C2orf76: variants seen among roughly 807,000 people sequenced by gnomAD.
C2orf76 encodes UPF0538 protein C2orf76.
In C2orf76, 23 loss-of-function variants were observed where a neutral mutation model predicts 16.9. That is an observed-to-expected ratio of 1.36 (90% CI 0.98 to 1.93). The LOEUF (loss-of-function observed/expected upper bound fraction) is 1.93, where lower values mean the gene tolerates loss of function less well. C2orf76 is among the 30% of genes most tolerant of loss of function. C2orf76 has a pLI of 0.00. For missense variants in C2orf76, 152 were observed against 152.6 expected (o/e 1.00, Z 0.02); for synonymous variants, 48 against 52.3 (o/e 0.92, Z 0.35).
the C2orf76 span, among the ~76,000 whole-genome samples, chr2:119,285,966 G>A: frequency 1.1e-4 from 16 of 152,194 alleles, no homozygotes; most frequent in South Asian, 6.2e-4. Flanking sequence ...AGTGGCTCAC[G>A]CCTGTAATCC....
the C2orf76 span, among the ~76,000 whole-genome samples, chr2:119,285,862 T>C: frequency 1.7e-4 from 26 of 152,226 alleles, no homozygotes; most frequent in African/African-American, 6.0e-4. Context: ...GTGCAGGCCA[T>C]GGAGATGCAA....
At chr2:119,281,637 C>T in the C2orf76 span, among the ~76,000 whole-genome samples, 1 of 152,184 alleles carries the variant, frequency 6.6e-6, no homozygotes, top group Non-Finnish European at 1.5e-5. Flanking sequence ...GCTAAATAAA[C>T]ATCCTAACAT....
At chr2:119,327,550 G>A (rs186171717) in intron 2 of C2orf76, among the ~76,000 whole-genome samples, 1 of 152,090 alleles carries the variant, frequency 6.6e-6, no homozygotes, top group Admixed American at 6.5e-5. Flanking sequence ...GCTATAATGG[G>A]TGCGTTCCTC....
intron 5 of C2orf76, among the ~76,000 whole-genome samples, chr2:119,304,693 C>T (rs1010639184): frequency 9.9e-5 from 15 of 152,282 alleles, no homozygotes; most frequent in African/African-American, 3.6e-4. Context: ...TTAAAATTTA[C>T]TCCAAACATT....
At chr2:119,337,365 G>A (rs1679883808) in intron 2 of C2orf76, among the ~76,000 whole-genome samples, 1 of 151,960 alleles carries the variant, frequency 6.6e-6, no homozygotes, top group African/African-American at 2.4e-5. Flanking sequence ...GCCACTGCAG[G>A]TGGCCAGGCA....
chr2:119,320,149 C>A (rs926074765), intron 3 of C2orf76, among the ~76,000 whole-genome samples: 1 of 152,108 alleles, frequency 6.6e-6, no homozygotes, highest in Non-Finnish European at 1.5e-5. Flanking sequence ...TCTAAAATTT[C>A]TTTCAAAAGA....
intron 5 of C2orf76, among the ~76,000 whole-genome samples, chr2:119,305,777 G>A (rs1678758099): frequency 6.6e-6 from 1 of 152,088 alleles, no homozygotes; most frequent in Non-Finnish European, 1.5e-5. Context: ...TCAAAGCTGT[G>A]CTCACAGCTG....
chr2:119,366,871 CG>C, upstream of C2orf76: 1 of 777,642 alleles, frequency 1.3e-6, no homozygotes, highest in Admixed American at 3.1e-5. Flanking sequence ...AGCGCCGCGG[CG>C]GGGGCTGGGC....
In C2orf76 at chr2:119,350,132, A is replaced by G. The variant is rs970255718; in HGVS notation, c.-12-10161T>C. ...GAACTAATGAGCAGTTAAAGGGAGG[A>G]AAAAAAACCTGATTTCTTCCATTTC... On this transcript the variant is annotated intron_variant, in intron 1 of 5. Coordinates refer to ENST00000334816, the MANE Select transcript of C2orf76 (RefSeq NM_001322331.2). Among the ~76,000 whole-genome samples, 41 of 137,956 alleles carry G rather than the reference A, an allele frequency of 3.0e-4. No homozygotes were observed. The East Asian group carries it at 6.5e-3, about 22-fold the overall frequency. 90.5% of individuals were successfully genotyped at this position (137,956 alleles called of 152,430 possible).
At chr2:119,305,621 C>T (rs1439791427) in intron 5 of C2orf76, among the ~76,000 whole-genome samples, 4 of 152,024 alleles carry the variant, frequency 2.6e-5, no homozygotes, top group Non-Finnish European at 4.4e-5. Flanking sequence ...AATAACTGCA[C>T]ACTGTTGACA....
At chr2:119,293,845 G>A in the C2orf76 span, among the ~76,000 whole-genome samples, 1 of 152,188 alleles carries the variant, frequency 6.6e-6, no homozygotes, top group African/African-American at 2.4e-5. Flanking sequence ...GTCCTTCAGT[G>A]GAGAAGACTG....
At chr2:119,328,750 C>CTATT (rs1558785538) in intron 2 of C2orf76, among the ~76,000 whole-genome samples, 1 of 152,064 alleles carries the variant, frequency 6.6e-6, no homozygotes, top group African/African-American at 2.4e-5. Flanking sequence ...CTTTTAAATA[C>CTATT]TATTTTACAT....
intron 2 of C2orf76, among the ~76,000 whole-genome samples, chr2:119,326,290 T>C (rs925062609): frequency 6.6e-6 from 1 of 152,252 alleles, no homozygotes; most frequent in African/African-American, 2.4e-5. Flanking sequence ...TTTATTTGCA[T>C]ATGGCTATCC....
chr2:119,330,025 C>A (rs1679622246), intron 2 of C2orf76, among the ~76,000 whole-genome samples: 1 of 151,448 alleles, frequency 6.6e-6, no homozygotes, highest in Non-Finnish European at 1.5e-5. Flanking sequence ...ACTCTTTCAG[C>A]TTTGGTATGT....
intron 2 of C2orf76, among the ~76,000 whole-genome samples, chr2:119,322,084 G>T (rs1201141451): frequency 6.6e-6 from 1 of 151,794 alleles, no homozygotes; most frequent in Non-Finnish European, 1.5e-5. Flanking sequence ...ATATCTGCTG[G>T]TACAACACCT....
chr2:119,292,759 G>A, the C2orf76 span, among the ~76,000 whole-genome samples: 2 of 152,280 alleles, frequency 1.3e-5, no homozygotes, highest in East Asian at 3.9e-4. Context: ...CTTAGGCCAG[G>A]TGCGGTGGCT....
At chr2:119,330,440 T>C (rs1240216486) in intron 2 of C2orf76, among the ~76,000 whole-genome samples, 3 of 152,142 alleles carry the variant, frequency 2.0e-5, no homozygotes, top group Admixed American at 6.6e-5. Flanking sequence ...TTCATCTTTG[T>C]TCCTTTTTAT....
intron 1 of C2orf76, chr2:119,340,352 T>C: frequency 6.0e-6 from 1 of 167,272 alleles, no homozygotes; most frequent in Non-Finnish European, 1.3e-5. Flanking sequence ...CGTGGGCCCC[T>C]CAGCTGGCCC....
chr2:119,362,546 T>TA (rs1680777634), intron 1 of C2orf76, among the ~76,000 whole-genome samples: 1 of 152,234 alleles, frequency 6.6e-6, no homozygotes, highest in African/African-American at 2.4e-5. Flanking sequence ...GAAGAGAATA[T>TA]ATAACACATT....
Sources: gnomAD v4.1 joint callset for allele counts (sites outside exome capture counted in the v4.1 genomes callset) on GRCh38, gnomAD v4.1.1 for gene constraint, MANE v1.5 for transcripts, NCBI Gene and HGNC (gene_info 2026-07-23, HGNC 2026-07-21) for gene names.